Variants in FMNL2 observed in about 807,000 individuals in gnomAD.
FMNL2 encodes the protein formin like 2.
In FMNL2, 51 loss-of-function variants were observed where a neutral mutation model predicts 130.2. That is an observed-to-expected ratio of 0.39 (90% confidence interval 0.31 to 0.49). FMNL2 has a LOEUF of 0.49. Among genes scored for constraint, FMNL2 ranks in the 20% least tolerant of loss-of-function variants. The pLI is 0.85. For missense variants in FMNL2, 977 were observed against 1,316.2 expected (o/e 0.74, Z 3.99); for synonymous variants, 465 against 467.1 (o/e 1.00, Z 0.06).
intron 9 of FMNL2, among the ~76,000 whole-genome samples, chr2:152,586,800 T>TTTTTGTCTG (rs1218967053): frequency 3.3e-5 from 5 of 152,194 alleles, no homozygotes; most frequent in Non-Finnish European, 7.3e-5. Context: ...TGAGTAACTT[T>TTTTTGTCTG]TTTTGTCTGT....
chr2:152,638,680 C>T (rs575269289), intron 23 of FMNL2, among the ~76,000 whole-genome samples: 7 of 152,152 alleles, frequency 4.6e-5, no homozygotes, highest in Non-Finnish European at 7.3e-5. Context: ...GCACAAACTC[C>T]GTGTGCCAGA....
intron 9 of FMNL2, among the ~76,000 whole-genome samples, chr2:152,590,058 T>TAA (rs1186073852): frequency 2.0e-4 from 30 of 146,912 alleles, no homozygotes; most frequent in African/African-American, 7.3e-4. Context: ...TATATATATA[T>TAA]AATTTCTTGT....
At chr2:152,513,281 C>T (rs1175702029) in intron 1 of FMNL2, among the ~76,000 whole-genome samples, 4 of 152,130 alleles carry the variant, frequency 2.6e-5, no homozygotes, top group Admixed American at 2.6e-4. Context: ...TCTCAAGTTA[C>T]CGTTTCCTCC....
At chr2:152,641,934 T>C (rs1683115348) in intron 25 of FMNL2, among the ~76,000 whole-genome samples, 1 of 132,474 alleles carries the variant, frequency 7.5e-6, no homozygotes, top group East Asian at 2.2e-4. Flanking sequence ...TCCTAGACTC[T>C]TGATGTCTCA....
At chr2:152,636,650 T>C in intron 22 of FMNL2, 60 bp downstream of exon 22, 1 of 1,502,470 alleles carries the variant, frequency 6.7e-7, no homozygotes, top group Admixed American at 2.1e-5. Context: ...CTGCCTGTGG[T>C]GCAGGCCCTG....
chr2:152,471,778 A>G (rs1689870638), intron 1 of FMNL2, among the ~76,000 whole-genome samples: 1 of 152,066 alleles, frequency 6.6e-6, no homozygotes, highest in Non-Finnish European at 1.5e-5. Flanking sequence ...TTTGCTAATA[A>G]CACTGCCAAG....
At chr2:152,442,711 T>A (rs1688118040) in intron 1 of FMNL2, among the ~76,000 whole-genome samples, 2 of 152,202 alleles carry the variant, frequency 1.3e-5, no homozygotes, top group Non-Finnish European at 2.9e-5. Context: ...TATCTACAAA[T>A]TTGACCTTTA....
chr2:152,453,838 C>T (rs1181653476), intron 1 of FMNL2, among the ~76,000 whole-genome samples: 4 of 152,072 alleles, frequency 2.6e-5, no homozygotes, highest in African/African-American at 4.8e-5. Context: ...AATACATGCC[C>T]CAAATGTGCT....
intron 1 of FMNL2, among the ~76,000 whole-genome samples, chr2:152,446,845 A>G (rs766468897): frequency 6.6e-6 from 1 of 152,200 alleles, no homozygotes. Flanking sequence ...ACAGTTCGCA[A>G]CACAACTGGT....
intron 1 of FMNL2, among the ~76,000 whole-genome samples, chr2:152,490,832 G>T (rs1354181156): frequency 6.6e-6 from 1 of 151,936 alleles, no homozygotes; most frequent in Non-Finnish European, 1.5e-5. Flanking sequence ...AAAAATTACA[G>T]ATGGGTGGGG....
At chr2:152,347,331 TCCA>T (rs1233729707) in intron 1 of FMNL2, among the ~76,000 whole-genome samples, 1 of 152,202 alleles carries the variant, frequency 6.6e-6, no homozygotes, top group East Asian at 1.9e-4. Context: ...CCATGAGGTT[TCCA>T]CCACTTCCTT....
intron 1 of FMNL2, among the ~76,000 whole-genome samples, chr2:152,469,113 C>T (rs1042450032): frequency 7.9e-5 from 12 of 152,166 alleles, no homozygotes; most frequent in Admixed American, 5.9e-4. Flanking sequence ...AATACACTGA[C>T]GCTGTTGATT....
rs1690846581 is a variant in FMNL2, at chr2:152,486,699, G to C, written c.118-35244G>C. Among the ~76,000 whole-genome samples, 3 of 152,176 alleles carry C rather than the reference G, an allele frequency of 2.0e-5. No individual in the cohort carries two copies. In the South Asian group the frequency reaches 6.2e-4, roughly 32 times the overall value. ...TATTCAGGCTTTACTTTCTTCAGAG[G>C]ATTAAGAGGCTTGAACGTGGCTGCT... On this transcript the variant is annotated intron_variant, in intron 1 of 25. Transcript: ENST00000288670.
chr2:152,442,661 C>T (rs190832835), intron 1 of FMNL2, among the ~76,000 whole-genome samples: 1 of 152,138 alleles, frequency 6.6e-6, no homozygotes, highest in Non-Finnish European at 1.5e-5. Flanking sequence ...CTTTATTCAC[C>T]CTTCATTTTA....
At chr2:152,483,517 G>A (rs1478334783) in intron 1 of FMNL2, among the ~76,000 whole-genome samples, 3 of 152,190 alleles carry the variant, frequency 2.0e-5, no homozygotes, top group African/African-American at 7.2e-5. Flanking sequence ...TCTAGACCTG[G>A]CGATGGAAAC....
intron 1 of FMNL2, chr2:152,390,721 T>G: frequency 1.4e-6 from 1 of 704,990 alleles, no homozygotes; most frequent in East Asian, 2.6e-5. Flanking sequence ...CTTGTGAGCC[T>G]CAGGGCTTGG....
intron 9 of FMNL2, among the ~76,000 whole-genome samples, chr2:152,593,896 TGTGTGTGA>T (rs59065654): frequency 0.029 from 2,989 of 103,254 alleles, 22 homozygotes; most frequent in African/African-American, 0.044. Flanking sequence ...TGTGTGTGTG[TGTGTGTGA>T]GAGAGAGAGA....
intron 1 of FMNL2, among the ~76,000 whole-genome samples, chr2:152,439,079 T>TTGTGTGTG (rs10539703): frequency 0.024 from 3,434 of 144,538 alleles, 143 homozygotes; most frequent in African/African-American, 0.082. Context: ...TTCAGTTTAA[T>TTGTGTGTG]TGTGTGTGTG....
At chr2:152,642,522 G>A (rs903897615) in intron 25 of FMNL2, among the ~76,000 whole-genome samples, 2 of 152,186 alleles carry the variant, frequency 1.3e-5, no homozygotes, top group African/African-American at 4.8e-5. Context: ...TGTACATAGT[G>A]CAGTGGCTTA....
Sources: gnomAD v4.1 joint callset for allele counts (sites outside exome capture counted in the v4.1 genomes callset) on GRCh38, gnomAD v4.1.1 for gene constraint, MANE v1.5 for transcripts, NCBI Gene and HGNC (gene_info 2026-07-23, HGNC 2026-07-21) for gene names.